NKAIN1: variants seen among roughly 807,000 people sequenced by gnomAD.
NKAIN1 encodes the protein sodium/potassium transporting ATPase interacting 1.
NKAIN1 carries 13 observed loss-of-function variants against 31.6 expected under a neutral mutation model. That is an observed-to-expected ratio of 0.41 (90% CI 0.27 to 0.65). The LOEUF is 0.65. NKAIN1 is among the 30% of genes least tolerant of loss of function. NKAIN1 has a pLI of 0.30. For synonymous variants in NKAIN1, 104 were observed against 109.0 expected, an observed-to-expected ratio of 0.95 and a Z score of 0.28; for missense variants, 193 against 262.2, an observed-to-expected ratio of 0.74 and a Z score of 1.82.
At chr1:31,215,117 T>A (rs1340957568) in intron 1 of NKAIN1, among the ~76,000 whole-genome samples, 3 of 152,154 alleles carry the variant, frequency 2.0e-5, no homozygotes, top group Non-Finnish European at 4.4e-5. Context: ...TAGCGGCAGC[T>A]CCTTGTACTG....
intron 1 of NKAIN1, among the ~76,000 whole-genome samples, chr1:31,231,353 T>TA (rs1553164291): frequency 6.6e-6 from 1 of 150,464 alleles, no homozygotes; most frequent in East Asian, 1.9e-4. Flanking sequence ...TTTTTTTTTT[T>TA]AATAGATGCA....
chr1:31,215,884 T>C (rs1203878207), intron 1 of NKAIN1, among the ~76,000 whole-genome samples: 1 of 152,184 alleles, frequency 6.6e-6, no homozygotes, highest in Non-Finnish European at 1.5e-5. Flanking sequence ...GATATGCACA[T>C]GGACTCTGGG....
chr1:31,211,769 C>T (rs949950547), intron 1 of NKAIN1, among the ~76,000 whole-genome samples: 12 of 151,962 alleles, frequency 7.9e-5, no homozygotes, highest in African/African-American at 1.7e-4. Flanking sequence ...AGTGAAATTT[C>T]GTCTCTACTA....
intron 1 of NKAIN1, among the ~76,000 whole-genome samples, chr1:31,238,560 A>G (rs1645708986): frequency 6.6e-6 from 1 of 152,128 alleles, no homozygotes; most frequent in Non-Finnish European, 1.5e-5. Context: ...TTTGAAGGGC[A>G]GTGCTGTTTC....
chr1:31,235,502 C>T (rs1181459945), intron 1 of NKAIN1, among the ~76,000 whole-genome samples: 2 of 152,000 alleles, frequency 1.3e-5, no homozygotes, highest in Admixed American at 1.3e-4. Context: ...ATCACTTGAG[C>T]TCAGGGATTT....
intron 1 of NKAIN1, among the ~76,000 whole-genome samples, chr1:31,237,082 A>G (rs1230648148): frequency 6.6e-6 from 1 of 152,050 alleles, no homozygotes; most frequent in Non-Finnish European, 1.5e-5. Context: ...AGTGAGACCC[A>G]CCTCTAAAAC....
Position 31,181,713 on chromosome 1 carries a change from C to T in NKAIN1, c.615-1G>A. The stretch of plus-strand genomic sequence containing the variant: ...GGCGCGGGGCAGAGGCTACCCCGAC[C>T]TGCGGGAAACAAAGGCAGGTTAGGG... On this transcript the variant is annotated splice_acceptor_variant, in intron 6 of 6. Transcript: ENST00000373736. LOFTEE classifies it high-confidence loss of function. 1 of 1,488,398 alleles carries T rather than the reference C, an allele frequency of 6.7e-7. No homozygotes were observed. The highest frequency in any genetic ancestry group is 9.0e-7 in the Non-Finnish European group (1 of 1,113,110). The allele number at this position is 1,488,398 out of a possible 1,614,324, so 92.2% of individuals were successfully genotyped here.
Position 31,227,872 on chromosome 1 carries a change from C to T in NKAIN1, c.54+11622G>A, listed in dbSNP as rs192416766. The stretch of plus-strand genomic sequence containing the variant: ...CCCCTGTCCTCCCTGGTGGCTCCAA[C>T]GCTGGCCTGAACCAGTGGGGTGTGT... On this transcript the variant is annotated intron_variant, in intron 1 of 6. Transcript: ENST00000373736. Among the ~76,000 whole-genome samples the T allele has an allele frequency of 3.7e-4, 56 of 152,314 alleles. No homozygotes were observed. In the East Asian group the frequency reaches 8.1e-3, roughly 22 times the overall value.
At chr1:31,187,687 G>A (rs1000461717) in intron 2 of NKAIN1, among the ~76,000 whole-genome samples, 4 of 151,990 alleles carry the variant, frequency 2.6e-5, no homozygotes, top group Non-Finnish European at 5.9e-5. Context: ...ACCTTTCTGA[G>A]CTTCAGTTTC....
In NKAIN1 at chr1:31,239,793, C is replaced by T. The variant is rs1394364391; in HGVS notation, c.-246G>A. Among the ~76,000 whole-genome samples, 1 of 151,784 alleles carries T rather than the reference C, an allele frequency of 6.6e-6. No homozygotes were observed. Among genetic ancestry groups the T allele is most frequent in the African/African-American group, 2.4e-5 (1 of 41,392 alleles). ...GCCGCGCCTCCTTTGTCTAGCGGGC[C>T]GTCCGTCAGGCGCGCCTCCTGCCCC... is the stretch of plus-strand genomic sequence containing the variant. On this transcript the variant is annotated 5_prime_UTR_variant, in exon 1 of 7. Transcript: ENST00000373736. This position sits in a 1 kb window ranked among gnomAD's most constrained non-coding sequence, Gnocchi z 4.8.
intron 1 of NKAIN1, among the ~76,000 whole-genome samples, chr1:31,201,877 C>G (rs555743919): frequency 3.1e-4 from 47 of 152,188 alleles, no homozygotes; most frequent in Non-Finnish European, 5.6e-4. Flanking sequence ...GCTGGAGGTG[C>G]CTTCCACCCT....
chr1:31,215,862 A>G (rs1645507888), intron 1 of NKAIN1, among the ~76,000 whole-genome samples: 1 of 152,156 alleles, frequency 6.6e-6, no homozygotes, highest in Non-Finnish European at 1.5e-5. Flanking sequence ...AAGCACTAAT[A>G]ACAATGGCTA....
chr1:31,189,142 G>A (rs1297510297), intron 1 of NKAIN1, among the ~76,000 whole-genome samples: 4 of 151,946 alleles, frequency 2.6e-5, no homozygotes, highest in African/African-American at 9.7e-5. Flanking sequence ...GGGGAGGAGA[G>A]CGAAGGCACC....
At chr1:31,188,815 C>T (rs780368162) in intron 1 of NKAIN1, among the ~76,000 whole-genome samples, 1 of 152,086 alleles carries the variant, frequency 6.6e-6, no homozygotes, top group African/African-American at 2.4e-5. Context: ...ATGCATGCAT[C>T]CAGTCTGGGC....
At position 31,233,943 on chromosome 1, in the gene NKAIN1, TC is replaced by T. The variant is rs1645676031; in HGVS notation, c.54+5550del. ...CAAGGCCTGATCCCAGATGTAGTGCTCCTAGCCCCTGTGCCAGATCTCAGCG... is the reference window on the plus strand; with the variant it reads ...CAAGGCCTGATCCCAGATGTAGTGCTCTAGCCCCTGTGCCAGATCTCAGCG... On this transcript the variant is annotated intron_variant, in intron 1 of 6. Coordinates refer to ENST00000373736, the MANE Select transcript of NKAIN1 (RefSeq NM_024522.3). This position sits in a 1 kb window ranked among gnomAD's most constrained non-coding sequence, Gnocchi z 4.0. Among the ~76,000 whole-genome samples the T allele has an allele frequency of 1.3e-5, 2 of 152,212 alleles. No homozygotes were observed. Among genetic ancestry groups the T allele is most frequent in the African/African-American group, 4.8e-5 (2 of 41,456 alleles).
At chr1:31,198,602 A>C in intron 1 of NKAIN1, among the ~76,000 whole-genome samples, 1 of 151,376 alleles carries the variant, frequency 6.6e-6, no homozygotes, top group Non-Finnish European at 1.5e-5. Flanking sequence ...ACTTTCTTTC[A>C]CCTAGCAATG....
chr1:31,187,456 C>T (rs1178924933), intron 2 of NKAIN1, among the ~76,000 whole-genome samples: 2 of 152,140 alleles, frequency 1.3e-5, no homozygotes, highest in African/African-American at 4.8e-5. Flanking sequence ...ACACTAGCTG[C>T]TCCAGAACAC....
At chr1:31,206,651 G>A (rs1645426717) in intron 1 of NKAIN1, among the ~76,000 whole-genome samples, 1 of 152,070 alleles carries the variant, frequency 6.6e-6, no homozygotes, top group Non-Finnish European at 1.5e-5. Flanking sequence ...TGCTCAGGTT[G>A]GTCTCAAACT....
intron 1 of NKAIN1, among the ~76,000 whole-genome samples, chr1:31,224,529 T>A (rs529949184): frequency 6.6e-6 from 1 of 152,352 alleles, no homozygotes; most frequent in South Asian, 2.1e-4. Flanking sequence ...CTGTGAGCTG[T>A]AAGCTGGGGA....
Sources: allele counts gnomAD v4.1 joint callset (sites outside exome capture counted in the v4.1 genomes callset), GRCh38; gene constraint gnomAD v4.1.1; non-coding constraint Gnocchi (gnomAD v3.1); transcripts MANE v1.5; gene names NCBI Gene and HGNC (gene_info 2026-07-23, HGNC 2026-07-21).